The following TNFRSF10D variants were observed in gnomAD, a reference collection of about 807,000 sequenced individuals.
TNFRSF10D encodes tumor necrosis factor receptor superfamily member 10D.
TNFRSF10D carries 28 observed loss-of-function variants against 42.1 expected under a neutral mutation model. The observed-to-expected ratio is 0.66, with a 90% CI of 0.49 to 0.91. The LOEUF (loss-of-function observed/expected upper bound fraction) is 0.91, where lower values mean the gene tolerates loss of function less well. Ranked by LOEUF, TNFRSF10D falls within the 40% of genes least tolerant of loss-of-function variation. The pLI is 0.00. For synonymous variants in TNFRSF10D, 186 were observed against 189.4 expected (o/e 0.98, Z 0.15); for missense variants, 503 against 486.1 (o/e 1.03, Z -0.33).
At chr8:23,142,887 T>C (rs114638315) in intron 7 of TNFRSF10D, among the ~76,000 whole-genome samples, 861 of 152,126 alleles carry the variant, frequency 5.7e-3, no homozygotes, top group African/African-American at 0.018. Flanking sequence ...CAAGAAATTA[T>C]CTGTTGTATT....
At chr8:23,163,302 C>T (rs1307346572) in intron 1 of TNFRSF10D, among the ~76,000 whole-genome samples, 1 of 151,690 alleles carries the variant, frequency 6.6e-6, no homozygotes, top group Admixed American at 6.6e-5. Flanking sequence ...GGGGTTTCAC[C>T]ATGGTGGCTA....
chr8:23,159,119 G>T (rs1223418399), intron 1 of TNFRSF10D, among the ~76,000 whole-genome samples: 893 of 151,856 alleles, frequency 5.9e-3, no homozygotes, highest in African/African-American at 0.018. Flanking sequence ...CTGTGTCTGT[G>T]GTTTTTGGTT....
chr8:23,156,276 A>G (rs1800279191), intron 1 of TNFRSF10D, among the ~76,000 whole-genome samples: 1 of 150,906 alleles, frequency 6.6e-6, no homozygotes, highest in African/African-American at 2.5e-5. Context: ...TTTACATTTA[A>G]TTAAATTTAA....
chr8:23,150,542 A>G (rs978096381), intron 2 of TNFRSF10D, among the ~76,000 whole-genome samples: 2 of 152,264 alleles, frequency 1.3e-5, no homozygotes, highest in Admixed American at 6.5e-5. Context: ...ATGAAGCACA[A>G]GTAACCAACC....
intron 6 of TNFRSF10D, 36 bp from the exon 7 acceptor site, chr8:23,144,671 C>T (rs764181860): frequency 5.5e-5 from 88 of 1,595,542 alleles, no homozygotes; most frequent in Non-Finnish European, 7.4e-5. Flanking sequence ...AGTCCACACC[C>T]CGGGCTCAGC....
chr8:23,144,363 G>A, intron 7 of TNFRSF10D, 87 bp downstream of exon 7: 2 of 1,472,522 alleles, frequency 1.4e-6, no homozygotes, highest in Non-Finnish European at 1.8e-6. Context: ...CTTGGGCCAG[G>A]AAAGAGGAGG....
chr8:23,141,948 A>C (rs2128835917), intron 7 of TNFRSF10D, among the ~76,000 whole-genome samples: 1 of 152,332 alleles, frequency 6.6e-6, no homozygotes, highest in Non-Finnish European at 1.5e-5. Context: ...TATTTAACAC[A>C]GCAAACCCAC....
At chr8:23,155,167 G>C (rs1410229204) in intron 1 of TNFRSF10D, among the ~76,000 whole-genome samples, 188 bp from the exon 2 acceptor site, 4 of 151,704 alleles carry the variant, frequency 2.6e-5, no homozygotes, top group Non-Finnish European at 4.4e-5. Flanking sequence ...TTTCTATAAA[G>C]AAAAACACCT....
intron 1 of TNFRSF10D, among the ~76,000 whole-genome samples, chr8:23,158,864 T>G (rs536597472): frequency 6.6e-6 from 1 of 152,316 alleles, no homozygotes; most frequent in Admixed American, 6.5e-5. Context: ...TTTGGTAGGT[T>G]GAGATGTACG....
chr8:23,158,859 T>C (rs1800319402), intron 1 of TNFRSF10D, among the ~76,000 whole-genome samples: 1 of 152,164 alleles, frequency 6.6e-6, no homozygotes. Flanking sequence ...TGTAGTTTGG[T>C]AGGTTGAGAT....
Position 23,156,653 on chromosome 8 carries a change from C to G in TNFRSF10D, c.151-1674G>C, listed in dbSNP as rs149568495. On this transcript the variant is annotated intron_variant, in intron 1 of 8. Transcript: ENST00000312584. ...AATCTCTGCTCACTACAATCTCTGC[C>G]TCCCGGGCTCAAGTGGTCCTCCAAC... Among the ~76,000 whole-genome samples, 1,249 of 152,022 alleles carry G rather than the reference C, an allele frequency of 8.2e-3. 17 individuals are homozygous for G. Among genetic ancestry groups the G allele is most frequent in the Middle Eastern group, 0.055 (16 of 292 alleles).
At chr8:23,162,625 C>G (rs530124745) in intron 1 of TNFRSF10D, among the ~76,000 whole-genome samples, 157 of 152,136 alleles carry the variant, frequency 1.0e-3, no homozygotes, top group Non-Finnish European at 1.8e-3. Context: ...TTCTTGTGCA[C>G]CCCACTACCA....
chr8:23,162,090 C>A (rs1269796959), intron 1 of TNFRSF10D, among the ~76,000 whole-genome samples: 1 of 152,106 alleles, frequency 6.6e-6, no homozygotes, highest in East Asian at 1.9e-4. Context: ...AATACAATAC[C>A]CTTGTTTAAA....
rs1814312240 is a variant in TNFRSF10D, at chr8:23,135,761, G to C, written c.*2109C>G. On this transcript the variant is annotated 3_prime_UTR_variant, in exon 9 of 9. Transcript: ENST00000312584. ...CAGGAAGCTTATGTTAAAGGAATAAGCTTAAACACTGATAAGGCTGGTAGT... is the reference window on the plus strand; with the variant it reads ...CAGGAAGCTTATGTTAAAGGAATAACCTTAAACACTGATAAGGCTGGTAGT... 5 of 383,006 alleles carry C rather than the reference G, an allele frequency of 1.3e-5. No homozygotes were observed. The highest frequency in any genetic ancestry group is 1.0e-4 in the South Asian group (5 of 49,938). The allele number at this position is 383,006 out of a possible 1,614,324, so 23.7% of individuals were successfully genotyped here. A position where few individuals can be genotyped will look rare whatever the true frequency, so the allele number is the denominator to read the frequency against.
intron 3 of TNFRSF10D, among the ~76,000 whole-genome samples, chr8:23,147,729 C>T (rs532413770): frequency 1.3e-5 from 2 of 152,084 alleles, no homozygotes; most frequent in South Asian, 4.1e-4. Context: ...GAGTTCGAGA[C>T]CAGCCTGGCC....
chr8:23,147,903 A>G (rs952102993), intron 3 of TNFRSF10D, among the ~76,000 whole-genome samples: 5 of 151,994 alleles, frequency 3.3e-5, no homozygotes, highest in African/African-American at 1.2e-4. Flanking sequence ...TCTACTAAAA[A>G]TACAAAAAAA....
chr8:23,141,226 C>T (rs536490137), intron 7 of TNFRSF10D, among the ~76,000 whole-genome samples: 5 of 152,206 alleles, frequency 3.3e-5, no homozygotes, highest in Admixed American at 1.3e-4. Flanking sequence ...CTCCACAGGC[C>T]GGGTGTGGGG....
At chr8:23,158,326 C>T (rs937161013) in intron 1 of TNFRSF10D, among the ~76,000 whole-genome samples, 4 of 152,306 alleles carry the variant, frequency 2.6e-5, no homozygotes, top group South Asian at 2.1e-4. Flanking sequence ...ACTCGGATCT[C>T]GTCCACCGCT....
At chr8:23,141,077 A>G (rs529945610) in intron 7 of TNFRSF10D, among the ~76,000 whole-genome samples, 1 of 152,336 alleles carries the variant, frequency 6.6e-6, no homozygotes, top group Admixed American at 6.5e-5. Context: ...ATTCTAGAAG[A>G]AAACCTAGAA....
Sources: allele counts gnomAD v4.1 joint callset (sites outside exome capture counted in the v4.1 genomes callset), GRCh38; gene constraint gnomAD v4.1.1; transcripts MANE v1.5; gene names NCBI Gene and HGNC (gene_info 2026-07-23, HGNC 2026-07-21).